TARBP1: variants seen among roughly 807,000 people sequenced by gnomAD.
TARBP1 encodes the protein tRNA guanosine 2 -O-methyltransferase TARBP1.
A neutral mutation model predicts 178.6 loss-of-function variants in TARBP1; 144 were observed. The ratio of observed to expected loss-of-function variants is 0.81; its 90% CI spans 0.70 to 0.93. The LOEUF is 0.93. Among genes scored for constraint, TARBP1 ranks in the 40% least tolerant of loss-of-function variants. The probability of loss-of-function intolerance (pLI) is 0.00; values close to 1 mark genes in which losing one functional copy is unlikely to be tolerated. For synonymous variants in TARBP1, 787 were observed against 781.0 expected (o/e 1.01, Z -0.13); for missense variants, 2,067 against 2,011.7 (o/e 1.03, Z -0.53).
At position 234,451,697 on chromosome 1, in the gene TARBP1, C is replaced by G. The variant is rs1182781994; in HGVS notation, c.1723-1131G>C. Among the ~76,000 whole-genome samples, 9 of 99,846 alleles carry G rather than the reference C, an allele frequency of 9.0e-5. 1 individual carries two copies. Among genetic ancestry groups the G allele is most frequent in the Non-Finnish European group, 1.7e-4 (9 of 52,274 alleles). 65.5% of individuals were successfully genotyped at this position (99,846 alleles called of 152,430 possible). A position where few individuals can be genotyped will look rare whatever the true frequency, so the allele number is the denominator to read the frequency against. The stretch of plus-strand genomic sequence containing the variant: ...CCGGGAGGCGGAGCTTGCAGTGAGC[C>G]GAGATCCCGCCACTGCACTCCAGCC... On this transcript the variant is annotated intron_variant, in intron 9 of 29. Transcript: ENST00000040877.
intron 21 of TARBP1, among the ~76,000 whole-genome samples, chr1:234,419,654 C>A (rs1662864928): frequency 6.6e-6 from 1 of 152,102 alleles, no homozygotes; most frequent in African/African-American, 2.4e-5. Flanking sequence ...GAAAAAAATG[C>A]TCTCGGTAAT....
intron 17 of TARBP1, among the ~76,000 whole-genome samples, chr1:234,428,536 T>C (rs1184082685): frequency 6.6e-6 from 1 of 151,310 alleles, no homozygotes; most frequent in Non-Finnish European, 1.5e-5. Context: ...CAGTTTTTCA[T>C]ACAGATTTCC....
intron 29 of TARBP1, 64 bp from the exon 30 acceptor site, chr1:234,391,809 CTTT>C: frequency 6.0e-6 from 9 of 1,497,064 alleles, no homozygotes; most frequent in Non-Finnish European, 8.1e-6. Flanking sequence ...CTTTGATATT[CTTT>C]TTATTTTTTG....
intron 21 of TARBP1, 120 bp downstream of exon 21, chr1:234,420,582 C>T (rs2103096087): frequency 1.9e-6 from 1 of 539,748 alleles, no homozygotes. Context: ...TTAAGAACTG[C>T]AGAATAAATT....
chr1:234,437,300 C>T lies in TARBP1; in HGVS notation c.2207G>A (p.Arg736Lys). The T allele has an allele frequency of 6.3e-7, 1 of 1,583,644 alleles. No individual in the cohort carries two copies. Among genetic ancestry groups the T allele is most frequent in the Non-Finnish European group, 8.6e-7 (1 of 1,161,148 alleles). ...ACTATTTAGCTCATTCATAGTAAGT[C>T]TTCTGAGAATAAATTCAGAAATGCT... ...TESISEFILRRLTMNELNSVS... is the reference protein window; with the variant it reads ...TESISEFILRKLTMNELNSVS... The change falls in exon 13 of 30, where the codon AGA (arginine) becomes AAA (lysine). Residue 736 changes from arginine (R) to lysine (K), a missense_variant. By Grantham distance (26) the Arg-to-Lys change is conservative (BLOSUM62 2). Transcript: ENST00000040877.
chr1:234,448,083 C>T (rs919388257), intron 11 of TARBP1, among the ~76,000 whole-genome samples: 4 of 152,134 alleles, frequency 2.6e-5, no homozygotes, highest in Admixed American at 6.5e-5. Flanking sequence ...AGACTACAGA[C>T]GTGCACCACC....
At chr1:234,416,049 G>A (rs554622532) in intron 22 of TARBP1, among the ~76,000 whole-genome samples, 1 of 152,218 alleles carries the variant, frequency 6.6e-6, no homozygotes. Flanking sequence ...GTGAGAGGCT[G>A]AGCTAAGCAA....
At chr1:234,412,710 T>C (rs1445156502) in intron 22 of TARBP1, among the ~76,000 whole-genome samples, 1 of 151,954 alleles carries the variant, frequency 6.6e-6, no homozygotes, top group African/African-American at 2.4e-5. Context: ...GTTATCTAGA[T>C]AAAGAGAAGA....
chr1:234,439,700 C>T (rs1401967608), intron 12 of TARBP1, among the ~76,000 whole-genome samples: 6 of 152,108 alleles, frequency 3.9e-5, no homozygotes, highest in Non-Finnish European at 7.4e-5. Context: ...ATGGTGGGCA[C>T]CTGTAATCCC....
At chr1:234,427,101 T>A (rs1051477750) in intron 19 of TARBP1, among the ~76,000 whole-genome samples, 1 of 152,186 alleles carries the variant, frequency 6.6e-6, no homozygotes, top group African/African-American at 2.4e-5. Flanking sequence ...CTAAAAACTT[T>A]TAAAATTTTA....
chr1:234,465,588 A>G (rs1160626650), intron 5 of TARBP1, 68 bp downstream of exon 5: 2 of 1,419,276 alleles, frequency 1.4e-6, no homozygotes, highest in Non-Finnish European at 1.9e-6. Context: ...AATGCATGAA[A>G]CAATCTGGTC....
chr1:234,426,038 G>C (rs1222635131), intron 19 of TARBP1, among the ~76,000 whole-genome samples: 1 of 152,214 alleles, frequency 6.6e-6, no homozygotes, highest in Admixed American at 6.5e-5. Flanking sequence ...GATTTCTGGA[G>C]AATCAATGCA....
chr1:234,403,492 T>C (rs544835100), intron 24 of TARBP1, among the ~76,000 whole-genome samples: 3 of 152,358 alleles, frequency 2.0e-5, no homozygotes, highest in East Asian at 1.9e-4. Context: ...TTTTCTGTGA[T>C]TTATTTTAAA....
intron 12 of TARBP1, among the ~76,000 whole-genome samples, chr1:234,444,019 T>C (rs1665884616): frequency 1.3e-5 from 2 of 152,084 alleles, no homozygotes; most frequent in African/African-American, 2.4e-5. Context: ...AAGAGGAAAA[T>C]TGGAGATGGA....
At chr1:234,436,656 A>G (rs1665054082) in intron 13 of TARBP1, among the ~76,000 whole-genome samples, 1 of 152,222 alleles carries the variant, frequency 6.6e-6, no homozygotes, top group Admixed American at 6.5e-5. Flanking sequence ...TTCTTATTTT[A>G]TTGGCAATGT....
At chr1:234,471,044 T>TAAAAAA in intron 3 of TARBP1, 144 bp downstream of exon 3, 1 of 636,996 alleles carries the variant, frequency 1.6e-6, no homozygotes, top group Admixed American at 3.2e-5. Flanking sequence ...TGTTATCTCT[T>TAAAAAA]GGTGGCAGCA....
At chr1:234,417,673 G>T (rs1662578753) in intron 22 of TARBP1, among the ~76,000 whole-genome samples, 1 of 152,154 alleles carries the variant, frequency 6.6e-6, no homozygotes, top group Non-Finnish European at 1.5e-5. Flanking sequence ...GAAATGAACT[G>T]ATATTACTTC....
At chr1:234,452,263 G>A (rs1425070103) in intron 9 of TARBP1, among the ~76,000 whole-genome samples, 3 of 151,942 alleles carry the variant, frequency 2.0e-5, no homozygotes, top group African/African-American at 7.3e-5. Context: ...AATCTATTTG[G>A]ACACATAAAG....
At chr1:234,420,870 G>A (rs1371614594) in intron 20 of TARBP1, 58 bp from the exon 21 acceptor site, 5 of 1,080,374 alleles carry the variant, frequency 4.6e-6, no homozygotes, top group Admixed American at 4.2e-5. Context: ...TGTGATTAAT[G>A]AAAAAATCAA....
Sources: allele counts gnomAD v4.1 joint callset (sites outside exome capture counted in the v4.1 genomes callset), GRCh38; gene constraint gnomAD v4.1.1; transcripts MANE v1.5; gene names NCBI Gene and HGNC (gene_info 2026-07-23, HGNC 2026-07-21).